The following RBFOX1 variants were observed in gnomAD, a reference collection of about 807,000 sequenced individuals.
RBFOX1 encodes the protein RNA binding fox-1 homolog 1.
In RBFOX1, 8 loss-of-function variants were observed where a neutral mutation model predicts 57.7. That is an observed-to-expected ratio of 0.14 (90% confidence interval 0.08 to 0.25). The LOEUF is 0.25. RBFOX1 is among the 10% of genes least tolerant of loss of function. The probability of loss-of-function intolerance (pLI) is 1.00; values close to 1 mark genes in which losing one functional copy is unlikely to be tolerated. For missense variants in RBFOX1, 611 were observed against 548.5 expected (o/e 1.11, Z -1.14); for synonymous variants, 326 against 222.4 (o/e 1.47, Z -4.15).
intron 4 of RBFOX1, among the ~76,000 whole-genome samples, chr16:5,949,491 A>C (rs2059474450): frequency 7.2e-6 from 1 of 138,814 alleles, no homozygotes; most frequent in Non-Finnish European, 1.5e-5. Flanking sequence ...ACGCCAGTGC[A>C]CTCTAGCCTG....
rs569954898 is a variant in RBFOX1, at chr16:5,474,633, G to A, written c.258+7379G>A. Among the ~76,000 whole-genome samples, 10 of 151,362 alleles carry A rather than the reference G, an allele frequency of 6.6e-5. No homozygotes were observed. In the South Asian group the frequency reaches 1.7e-3, roughly 25 times the overall value. On this transcript the variant is annotated intron_variant, in intron 2 of 2. Coordinates refer to the RBFOX1 transcript ENST00000585867. ...CGCGCCATTGCACTCCAGCCTGGGG[G>A]ACAAGAGCGAGACTTCGTCTCAAAA...
At chr16:6,674,373 G>A (rs925348340) in intron 3 of RBFOX1, among the ~76,000 whole-genome samples, 1 of 151,870 alleles carries the variant, frequency 6.6e-6, no homozygotes, top group African/African-American at 2.4e-5. Flanking sequence ...CCAGGCTGGA[G>A]TGCAATGGTG....
intron 1 of RBFOX1, among the ~76,000 whole-genome samples, chr16:6,202,711 T>C (rs2097222762): frequency 6.6e-6 from 1 of 152,176 alleles, no homozygotes; most frequent in Admixed American, 6.5e-5. Flanking sequence ...ATCAATGCTG[T>C]ATATTTGTAT....
At chr16:7,006,806 G>T (rs1185582364) in intron 3 of RBFOX1, among the ~76,000 whole-genome samples, 1 of 152,122 alleles carries the variant, frequency 6.6e-6, no homozygotes, top group Non-Finnish European at 1.5e-5. Context: ...GCAAAGTTAA[G>T]TCACCTGCCC....
intron 1 of RBFOX1, among the ~76,000 whole-genome samples, chr16:5,405,197 G>A (rs1023936024): frequency 5.3e-5 from 8 of 152,168 alleles, no homozygotes; most frequent in African/African-American, 1.9e-4. Flanking sequence ...GGGAGGGCCA[G>A]GACCATGCGC....
chr16:6,201,434 A>T (rs1400974578), intron 1 of RBFOX1, among the ~76,000 whole-genome samples: 1 of 152,154 alleles, frequency 6.6e-6, no homozygotes, highest in Non-Finnish European at 1.5e-5. Context: ...GCGTATAAGG[A>T]TTCCCCTTTC....
intron 3 of RBFOX1, among the ~76,000 whole-genome samples, chr16:7,027,121 C>T (rs1231903680): frequency 1.3e-5 from 2 of 152,160 alleles, no homozygotes; most frequent in Non-Finnish European, 2.9e-5. Flanking sequence ...TAAACGCTTT[C>T]TATGCCTTAG....
At position 7,286,918 on chromosome 16, in the gene RBFOX1, C is replaced by T. The variant is rs549672405; in HGVS notation, c.28-231229C>T. ...TGCTGGGATTACAGGCATGAGTCAC[C>T]ATGCCTGGCCCTGGGCTTCAAACTT... is the stretch of plus-strand genomic sequence containing the variant. On this transcript the variant is annotated intron_variant, in intron 4 of 15. Transcript: ENST00000550418. Among the ~76,000 whole-genome samples the T allele has an allele frequency of 3.9e-5, 6 of 152,208 alleles. No homozygotes were observed. The Middle Eastern group carries it at 0.01, about 259-fold the overall frequency.
intron 4 of RBFOX1, among the ~76,000 whole-genome samples, chr16:7,236,733 G>A (rs1036656845): frequency 2.8e-4 from 42 of 151,952 alleles, no homozygotes; most frequent in African/African-American, 9.7e-4. Flanking sequence ...GCACGCACCA[G>A]CCTTCAGTGG....
At chr16:7,189,383 G>C (rs927052731) in intron 4 of RBFOX1, among the ~76,000 whole-genome samples, 4 of 130,320 alleles carry the variant, frequency 3.1e-5, no homozygotes, top group African/African-American at 1.1e-4. Flanking sequence ...CTGAGATCGC[G>C]CCACTGCACT....
At chr16:6,865,661 G>A (rs749076936) in intron 3 of RBFOX1, among the ~76,000 whole-genome samples, 24 of 152,116 alleles carry the variant, frequency 1.6e-4, no homozygotes, top group Admixed American at 9.8e-4. Context: ...TGATGACAAC[G>A]TAGTAATCCC....
At chr16:6,638,934 A>G (rs764379519) in intron 2 of RBFOX1, among the ~76,000 whole-genome samples, 15 of 152,186 alleles carry the variant, frequency 9.9e-5, no homozygotes, top group Admixed American at 5.9e-4. Flanking sequence ...CAAAATGCCA[A>G]GGTCACAGGG....
At chr16:5,359,139 G>C (rs1378479638) in intron 1 of RBFOX1, among the ~76,000 whole-genome samples, 2 of 152,270 alleles carry the variant, frequency 1.3e-5, no homozygotes, top group South Asian at 2.1e-4. Flanking sequence ...GCAAATGTCA[G>C]GACCTCATTC....
At chr16:5,432,610 A>G (rs1277829349) in intron 1 of RBFOX1, among the ~76,000 whole-genome samples, 1 of 139,530 alleles carries the variant, frequency 7.2e-6, no homozygotes, top group Non-Finnish European at 1.5e-5. Context: ...GCAAAAATAA[A>G]TGGGTAAAAA....
chr16:6,896,082 G>A (rs1364474071), intron 3 of RBFOX1, among the ~76,000 whole-genome samples: 1 of 152,084 alleles, frequency 6.6e-6, no homozygotes, highest in Non-Finnish European at 1.5e-5. Flanking sequence ...GGACCAACCT[G>A]GCCAACATGG....
chr16:7,255,506 A>G (rs944413043), intron 4 of RBFOX1, among the ~76,000 whole-genome samples: 2 of 152,230 alleles, frequency 1.3e-5, no homozygotes, highest in African/African-American at 4.8e-5. Flanking sequence ...CCATGGCAAG[A>G]TGTCCAGCTT....
At chr16:7,698,093 A>T (rs1464896604) in intron 14 of RBFOX1, among the ~76,000 whole-genome samples, 1 of 152,124 alleles carries the variant, frequency 6.6e-6, no homozygotes, top group Non-Finnish European at 1.5e-5. Flanking sequence ...TTTTGCTGAA[A>T]GTTAGTGGCT....
At chr16:5,886,116 T>C (rs2057893015) in intron 4 of RBFOX1, among the ~76,000 whole-genome samples, 1 of 152,218 alleles carries the variant, frequency 6.6e-6, no homozygotes, top group Non-Finnish European at 1.5e-5. Flanking sequence ...ATAAGCTTCC[T>C]GAGGCCTCCC....
rs755567388 is a variant in RBFOX1 at position 6,112,632 on chromosome 16, G to C, written c.-127+92640G>C. ...TTTGAACCCAGGAGCCGGAGGTTGC[G>C]GTGAGCTGAGATCGTGCCATTGCAC... On this transcript the variant is annotated intron_variant, in intron 1 of 15. Coordinates refer to ENST00000550418, the MANE Select transcript of RBFOX1 (RefSeq NM_018723.4). Among the ~76,000 whole-genome samples, 9 of 152,164 alleles carry C rather than the reference G, an allele frequency of 5.9e-5. No homozygotes were observed. In the South Asian group the frequency reaches 1.7e-3, roughly 28 times the overall value.
Sources: gnomAD v4.1 joint callset for allele counts (sites outside exome capture counted in the v4.1 genomes callset) on GRCh38, gnomAD v4.1.1 for gene constraint, MANE v1.5 for transcripts, NCBI Gene and HGNC (gene_info 2026-07-23, HGNC 2026-07-21) for gene names.